The following NR2F1-AS1 variants were observed in gnomAD, a reference collection of about 807,000 sequenced individuals.
NR2F1-AS1 encodes the protein NR2F1 antisense RNA 1.
intron 4 of NR2F1-AS1, among the ~76,000 whole-genome samples, chr5:93,482,345 G>C (rs993376346): frequency 6.6e-6 from 1 of 152,100 alleles, no homozygotes; most frequent in Non-Finnish European, 1.5e-5. Context: ...GAAGTGCAAG[G>C]GGTCGGTGAA....
chr5:93,487,028 C>T (rs938974637), intron 4 of NR2F1-AS1, among the ~76,000 whole-genome samples: 1 of 152,214 alleles, frequency 6.6e-6, no homozygotes, highest in East Asian at 1.9e-4. Flanking sequence ...CTGAAAAGGC[C>T]TTTGATAAAA....
intron 4 of NR2F1-AS1, among the ~76,000 whole-genome samples, chr5:93,533,503 AAAATT>A (rs1378918240): frequency 6.6e-6 from 1 of 152,132 alleles, no homozygotes; most frequent in African/African-American, 2.4e-5. Context: ...ACCACTAAGG[AAAATT>A]AAATTAATTG....
intron 4 of NR2F1-AS1, among the ~76,000 whole-genome samples, chr5:93,529,399 G>T (rs1026465886): frequency 2.6e-5 from 4 of 151,852 alleles, no homozygotes. Context: ...GTAACGCTTG[G>T]ATTACAGACA....
chr5:93,469,867 C>T (rs73133239), intron 4 of NR2F1-AS1, among the ~76,000 whole-genome samples: 15,525 of 151,944 alleles, frequency 0.1, 870 homozygotes, highest in Middle Eastern at 0.16. Flanking sequence ...CTCCCTAACC[C>T]TCATTAAAGC....
intron 4 of NR2F1-AS1, among the ~76,000 whole-genome samples, chr5:93,414,797 G>T: frequency 6.6e-6 from 1 of 151,788 alleles, no homozygotes; most frequent in Middle Eastern, 3.2e-3. Context: ...AGGTTTTTTT[G>T]TAACAATTCT....
At chr5:93,459,619 T>C (rs1193861368) in intron 4 of NR2F1-AS1, among the ~76,000 whole-genome samples, 56 of 152,240 alleles carry the variant, frequency 3.7e-4, no homozygotes, top group Admixed American at 3.7e-3. Context: ...AATAAAATCC[T>C]GATAATACCT....
chr5:93,474,658 G>T (rs1021604588), intron 4 of NR2F1-AS1, among the ~76,000 whole-genome samples: 22 of 152,116 alleles, frequency 1.4e-4, no homozygotes, highest in African/African-American at 5.1e-4. Context: ...TTCTCTTGGG[G>T]TGTATTTTTA....
chr5:93,566,046 T>C (rs912647931), intron 1 of NR2F1-AS1, among the ~76,000 whole-genome samples: 32 of 151,796 alleles, frequency 2.1e-4, no homozygotes, highest in African/African-American at 7.5e-4. Context: ...GTTGTTTTTA[T>C]TGAAACAAAT....
chr5:93,529,164 C>T (rs1458297680), intron 4 of NR2F1-AS1, among the ~76,000 whole-genome samples: 1 of 152,078 alleles, frequency 6.6e-6, no homozygotes, highest in East Asian at 1.9e-4. Flanking sequence ...AAGATTATTT[C>T]TCACATAATG....
intron 4 of NR2F1-AS1, among the ~76,000 whole-genome samples, chr5:93,450,914 C>CAAA (rs60895927): frequency 1.5e-3 from 83 of 53,924 alleles, no homozygotes; most frequent in Non-Finnish European, 2.5e-3. Context: ...GAATCTGCTT[C>CAAA]AAAAAAAAAA....
chr5:93,435,353 T>A (rs1332642579), intron 4 of NR2F1-AS1, among the ~76,000 whole-genome samples: 1 of 152,212 alleles, frequency 6.6e-6, no homozygotes, highest in Admixed American at 6.5e-5. Context: ...CAGACTTCCA[T>A]GGTTTTCTGA....
At chr5:93,426,074 C>CT (rs1749189140) in intron 4 of NR2F1-AS1, among the ~76,000 whole-genome samples, 1 of 151,324 alleles carries the variant, frequency 6.6e-6, no homozygotes, top group Admixed American at 6.6e-5. Flanking sequence ...GAGTCTCACT[C>CT]TGTCACTCTG....
At chr5:93,437,212 T>C (rs1749451130) in intron 4 of NR2F1-AS1, among the ~76,000 whole-genome samples, 2 of 152,118 alleles carry the variant, frequency 1.3e-5, no homozygotes, top group South Asian at 4.1e-4. Context: ...TAGCTACACA[T>C]AGCTATTGAG....
At chr5:93,469,083 G>A (rs1750308573) in intron 4 of NR2F1-AS1, among the ~76,000 whole-genome samples, 1 of 152,068 alleles carries the variant, frequency 6.6e-6, no homozygotes. Flanking sequence ...AGATATTTGT[G>A]GAAAAGCTTA....
upstream of NR2F1-AS1, among the ~76,000 whole-genome samples, chr5:93,582,284 A>AG (rs1057296768): frequency 9.2e-5 from 14 of 151,756 alleles, no homozygotes; most frequent in Non-Finnish European, 1.6e-4. Context: ...AAAAAAAAAA[A>AG]AAGAAGAAGG....
At chr5:93,532,146 A>G (rs1261126730) in intron 4 of NR2F1-AS1, among the ~76,000 whole-genome samples, 2 of 152,098 alleles carry the variant, frequency 1.3e-5, no homozygotes, top group Admixed American at 1.3e-4. Flanking sequence ...CCTCCTCAAA[A>G]AGCCTACAAT....
chr5:93,457,866 C>T (rs538229530), intron 4 of NR2F1-AS1, among the ~76,000 whole-genome samples: 2 of 152,194 alleles, frequency 1.3e-5, no homozygotes, highest in Non-Finnish European at 2.9e-5. Flanking sequence ...TCTTGTGAGT[C>T]GATGGTGCTC....
At chr5:93,541,109 G>C (rs765800833) in intron 4 of NR2F1-AS1, among the ~76,000 whole-genome samples, 1 of 152,116 alleles carries the variant, frequency 6.6e-6, no homozygotes, top group Non-Finnish European at 1.5e-5. Flanking sequence ...AATTTTGACT[G>C]AGGTAAGAAA....
chr5:93,549,076 A>G (rs1752162917), intron 4 of NR2F1-AS1, among the ~76,000 whole-genome samples: 1 of 152,172 alleles, frequency 6.6e-6, no homozygotes, highest in Non-Finnish European at 1.5e-5. Flanking sequence ...AATCCCATAA[A>G]AGATGTTTAA....
Sources: gnomAD v4.1 joint callset for allele counts (sites outside exome capture counted in the v4.1 genomes callset) on GRCh38, gnomAD v4.1.1 for gene constraint, MANE v1.5 for transcripts, NCBI Gene and HGNC (gene_info 2026-07-23, HGNC 2026-07-21) for gene names.